BBS9: variants seen among roughly 807,000 people sequenced by gnomAD.
BBS9 encodes the protein protein PTHB1.
In BBS9, 89 loss-of-function variants were observed where a neutral mutation model predicts 117.7. The observed-to-expected ratio is 0.76, with a 90% CI of 0.64 to 0.90. BBS9 has a LOEUF of 0.90. BBS9 is among the 40% of genes least tolerant of loss of function. The pLI is 0.00. For synonymous variants in BBS9, 379 were observed against 370.9 expected, an observed-to-expected ratio of 1.02 and a Z score of -0.25; for missense variants, 982 against 1,042.2, an observed-to-expected ratio of 0.94 and a Z score of 0.80.
chr7:33,557,977 C>G (rs987703625), intron 21 of BBS9, among the ~76,000 whole-genome samples: 4 of 152,202 alleles, frequency 2.6e-5, no homozygotes, highest in Admixed American at 6.5e-5. Flanking sequence ...ACGTAGAGCC[C>G]TTTGATGGCT....
intron 19 of BBS9, among the ~76,000 whole-genome samples, chr7:33,454,187 A>G (rs1162862764): frequency 3.3e-5 from 5 of 152,188 alleles, no homozygotes; most frequent in Non-Finnish European, 7.3e-5. Context: ...CTAATTTGGG[A>G]TGCTTTGGGC....
intron 9 of BBS9, among the ~76,000 whole-genome samples, chr7:33,333,558 C>T (rs1050393009): frequency 6.6e-6 from 1 of 151,716 alleles, no homozygotes; most frequent in African/African-American, 2.4e-5. Context: ...AAAAAGTGCT[C>T]GACATCACTA....
chr7:33,569,676 G>T (rs186720836), intron 21 of BBS9, among the ~76,000 whole-genome samples: 33 of 152,066 alleles, frequency 2.2e-4, no homozygotes, highest in Admixed American at 2.0e-3. Context: ...GCAGGAGAAT[G>T]GCGTGAACCC....
At chr7:33,568,755 A>G (rs934176431) in intron 21 of BBS9, among the ~76,000 whole-genome samples, 2 of 152,222 alleles carry the variant, frequency 1.3e-5, no homozygotes, top group Non-Finnish European at 2.9e-5. Context: ...GAAATACAGA[A>G]TGGTGTTATG....
intron 5 of BBS9, among the ~76,000 whole-genome samples, chr7:33,216,978 C>T (rs957641874): frequency 6.6e-6 from 1 of 151,992 alleles, no homozygotes; most frequent in Non-Finnish European, 1.5e-5. Flanking sequence ...ACCTGTAATC[C>T]CAGCTACTCA....
At chr7:33,372,835 C>T (rs1411816090) in intron 17 of BBS9, among the ~76,000 whole-genome samples, 3 of 152,074 alleles carry the variant, frequency 2.0e-5, no homozygotes, top group African/African-American at 4.8e-5. Flanking sequence ...TCTTCTTACT[C>T]GTTATTGCTC....
chr7:33,498,848 T>A (rs79431070), intron 19 of BBS9, among the ~76,000 whole-genome samples: 1,962 of 152,318 alleles, frequency 0.013, 45 homozygotes, highest in African/African-American at 0.045. Flanking sequence ...TAAATGGACA[T>A]ATATTTTCAT....
At chr7:33,532,909 T>C (rs988440535) in intron 20 of BBS9, among the ~76,000 whole-genome samples, 3 of 152,218 alleles carry the variant, frequency 2.0e-5, no homozygotes, top group Non-Finnish European at 4.4e-5. Context: ...TATAATTGTA[T>C]TGGATGGTCA....
chr7:33,463,362 G>A (rs960178782), intron 19 of BBS9, among the ~76,000 whole-genome samples: 2 of 152,004 alleles, frequency 1.3e-5, no homozygotes, highest in Non-Finnish European at 2.9e-5. Context: ...TTGATAGGGG[G>A]AATGCCTGCA....
At chr7:33,181,854 C>A (rs542812189) in intron 5 of BBS9, among the ~76,000 whole-genome samples, 21 of 152,290 alleles carry the variant, frequency 1.4e-4, no homozygotes, top group African/African-American at 4.8e-4. Context: ...GAGGCCGAGG[C>A]AGGCGGATCA....
intron 17 of BBS9, among the ~76,000 whole-genome samples, chr7:33,371,588 T>C (rs374919376): frequency 3.9e-5 from 6 of 152,098 alleles, no homozygotes; most frequent in African/African-American, 4.8e-5. Flanking sequence ...AGAGAGGGGA[T>C]GGGATGCAGA....
intron 19 of BBS9, among the ~76,000 whole-genome samples, chr7:33,502,056 C>G (rs191436493): frequency 6.6e-6 from 1 of 152,030 alleles, no homozygotes; most frequent in Non-Finnish European, 1.5e-5. Flanking sequence ...ATTACAGGCA[C>G]GTGCCACCAT....
At chr7:33,326,471 C>G (rs1470310349) in intron 9 of BBS9, among the ~76,000 whole-genome samples, 5 of 152,070 alleles carry the variant, frequency 3.3e-5, no homozygotes, top group Non-Finnish European at 5.9e-5. Flanking sequence ...GCTTGGTGCT[C>G]TACTCCACTG....
intron 20 of BBS9, among the ~76,000 whole-genome samples, chr7:33,527,522 C>T (rs955896514): frequency 1.1e-4 from 17 of 152,272 alleles, no homozygotes; most frequent in South Asian, 6.2e-4. Context: ...CAGGTGCGTC[C>T]GTCACCCCTT....
chr7:33,445,975 T>C (rs754794015), intron 19 of BBS9, among the ~76,000 whole-genome samples: 7 of 152,176 alleles, frequency 4.6e-5, no homozygotes, highest in Non-Finnish European at 8.8e-5. Flanking sequence ...CTGTCTCAAG[T>C]AGTATCATTA....
chr7:33,315,392 C>T (rs935865073), intron 9 of BBS9, among the ~76,000 whole-genome samples: 2 of 152,182 alleles, frequency 1.3e-5, no homozygotes, highest in Non-Finnish European at 2.9e-5. Context: ...GGATACACAT[C>T]ATTGGATTTA....
rs989039655 is a variant in BBS9 at position 33,273,954 on chromosome 7, G to T, written c.1014G>T (p.Leu338Phe). ...HIPVAVRVGC[L>F]HDLKGVIVTL... ...CTGTAGCAGTAAGAGTGGGCTGTTT[G>T]CAGTAAGTGATTTAATTTAACACAG... is the stretch of plus-strand genomic sequence containing the variant. Residue 338 changes from leucine to phenylalanine, a missense_variant and splice_region_variant, in exon 9 of 23, where the codon TTG (leucine) becomes TTT (phenylalanine). By Grantham distance (22) the Leu-to-Phe change is conservative. Transcript: ENST00000242067. 9.3e-6 allele frequency: 15 copies of T among 1,613,678 alleles called. No homozygotes were observed. The highest frequency in any genetic ancestry group is 2.7e-5 in the African/African-American group (2 of 75,024).
At chr7:33,423,169 G>T (rs1209294429) in intron 19 of BBS9, among the ~76,000 whole-genome samples, 1 of 152,100 alleles carries the variant, frequency 6.6e-6, no homozygotes, top group Non-Finnish European at 1.5e-5. Context: ...CTGCTGAGGG[G>T]CTGAGACATT....
At chr7:33,323,663 A>G (rs1381389716) in intron 9 of BBS9, among the ~76,000 whole-genome samples, 1 of 151,588 alleles carries the variant, frequency 6.6e-6, no homozygotes, top group African/African-American at 2.4e-5. Context: ...TAGGCAGCTG[A>G]TCATTGGGTC....
Sources: gnomAD v4.1 joint callset for allele counts (sites outside exome capture counted in the v4.1 genomes callset) on GRCh38, gnomAD v4.1.1 for gene constraint, MANE v1.5 for transcripts, NCBI Gene and HGNC (gene_info 2026-07-23, HGNC 2026-07-21) for gene names.